Variants in ZC3H14 observed in about 807,000 individuals in gnomAD.
ZC3H14 encodes zinc finger CCCH domain-containing protein 14.
ZC3H14 carries 31 observed loss-of-function variants against 92.4 expected under a neutral mutation model. That is an observed-to-expected ratio of 0.34 (90% CI 0.25 to 0.45). The LOEUF (loss-of-function observed/expected upper bound fraction) is 0.45, where lower values mean the gene tolerates loss of function less well. ZC3H14 is among the 20% of genes least tolerant of loss of function. The pLI, the probability that ZC3H14 is intolerant of heterozygous loss-of-function variation, is 1.00. For missense variants in ZC3H14, 781 were observed against 897.3 expected, an observed-to-expected ratio of 0.87 and a Z score of 1.66; for synonymous variants, 321 against 300.9, an observed-to-expected ratio of 1.07 and a Z score of -0.69.
chr14:88,592,491 C>CTTTT (rs58255914), intron 9 of ZC3H14: 2 of 65,976 alleles, frequency 3.0e-5, no homozygotes, highest in African/African-American at 5.8e-5. Flanking sequence ...ATAAGGATTC[C>CTTTT]TTTTTTTTTT....
chr14:88,600,192 C>G (rs2084407013), intron 10 of ZC3H14, among the ~76,000 whole-genome samples: 3 of 152,178 alleles, frequency 2.0e-5, no homozygotes, highest in South Asian at 4.1e-4. Context: ...CGCCTGTCTC[C>G]CTTTACCATC....
chr14:88,621,046 A>C lies in ZC3H14; in HGVS notation c.*9295A>C. On this transcript the variant is annotated 3_prime_UTR_variant, in exon 17 of 17. Coordinates refer to ENST00000251038, the MANE Select transcript of ZC3H14 (RefSeq NM_024824.5). Reference sequence around the variant, plus strand: ...TTCTGGCAGTTCTTTAAGTACTAGCAATTTAGAACTTCCAACTTTTCTTTT... The same window carrying C: ...TTCTGGCAGTTCTTTAAGTACTAGCCATTTAGAACTTCCAACTTTTCTTTT... 6.6e-7 allele frequency: 1 copy of C among 1,511,398 alleles called. No individual in the cohort carries two copies. Among genetic ancestry groups the C allele is most frequent in the Non-Finnish European group, 8.9e-7 (1 of 1,129,902 alleles). The allele number at this position is 1,511,398 out of a possible 1,614,324, so 93.6% of individuals were successfully genotyped here.
intron 12 of ZC3H14, among the ~76,000 whole-genome samples, chr14:88,603,608 A>T (rs1453822463): frequency 6.6e-6 from 1 of 152,212 alleles, no homozygotes; most frequent in Non-Finnish European, 1.5e-5. Context: ...ACAGTTTCTT[A>T]TCACCGTTTC....
Position 88,623,816 on chromosome 14 carries a change from G to A in ZC3H14, c.*12065G>A, listed in dbSNP as rs2089484367. On this transcript the variant is annotated 3_prime_UTR_variant, in exon 17 of 17. Coordinates refer to ENST00000251038, the MANE Select transcript of ZC3H14 (RefSeq NM_024824.5). Reference sequence around the variant, plus strand: ...GCAGGCTTCTAGTGAGTGGGGGTGTGCAGGAGTAAATGACGTGGGAAATAC... The same window carrying A: ...GCAGGCTTCTAGTGAGTGGGGGTGTACAGGAGTAAATGACGTGGGAAATAC... 1 of 152,222 alleles carries A rather than the reference G, an allele frequency of 6.6e-6. No homozygotes were observed. Among genetic ancestry groups the A allele is most frequent in the South Asian group, 2.1e-4 (1 of 4,830 alleles). The allele number at this position is 152,222 out of a possible 1,614,324, so 9.4% of individuals were successfully genotyped here.
rs975197835 is a variant in ZC3H14 at position 88,574,621 on chromosome 14, A to T, written c.862-72A>T. 1.0e-4 allele frequency: 163 copies of T among 1,580,486 alleles called. 1 individual carries two copies. The highest frequency in any genetic ancestry group is 8.9e-4 in the Admixed American group (53 of 59,280). On this transcript the variant is annotated intron_variant, in intron 6 of 16. Coordinates refer to ENST00000251038, the MANE Select transcript of ZC3H14 (RefSeq NM_024824.5). ...TACTGTGTACTGTTTTTTTCTTAAA[A>T]TGGAAACATTTTGTGGTAGAACTCT...
At chr14:88,579,829 AAG>A (rs1258741417) in intron 9 of ZC3H14, among the ~76,000 whole-genome samples, 23 of 152,324 alleles carry the variant, frequency 1.5e-4, no homozygotes. Flanking sequence ...AGCATGCTGA[AAG>A]GTATACCAAA....
chr14:88,622,549 G>GT lies in ZC3H14; in HGVS notation c.*10799dup, dbSNP rs950983941. On this transcript the variant is annotated 3_prime_UTR_variant, in exon 17 of 17. Transcript: ENST00000251038. ...GGCTGCAAAGGGTGAGGGAATCACA[G>GT]TAATAACCACTTTCTGTTTTCTGCT... The GT allele has an allele frequency of 6.5e-6, 9 of 1,382,256 alleles. No individual in the cohort carries two copies. The African/African-American group carries it at 1.2e-4, about 18-fold the overall frequency. The allele number at this position is 1,382,256 out of a possible 1,614,324, so 85.6% of individuals were successfully genotyped here.
intron 12 of ZC3H14, among the ~76,000 whole-genome samples, chr14:88,603,648 G>A (rs189238204): frequency 6.6e-6 from 1 of 152,212 alleles, no homozygotes; most frequent in Admixed American, 6.5e-5. Context: ...TAGCTGCAAC[G>A]CCACTGATCA....
intron 4 of ZC3H14, among the ~76,000 whole-genome samples, chr14:88,571,531 T>C (rs2080392883): frequency 6.6e-6 from 1 of 152,180 alleles, no homozygotes; most frequent in African/African-American, 2.4e-5. Context: ...ATACATGTTT[T>C]AAAAAATGTG....
chr14:88,622,815 T>TTA lies in ZC3H14; in HGVS notation c.*11064_*11065insTA, dbSNP rs1555417183. On this transcript the variant is annotated 3_prime_UTR_variant, in exon 17 of 17. Coordinates refer to ENST00000251038, the MANE Select transcript of ZC3H14 (RefSeq NM_024824.5). ...AGTTATAAGCAGAATCTTTTTTTTT[T>TTA]AAAAAGGCCCTGATATTTATAATTT... 5.3e-5 allele frequency: 39 copies of TTA among 742,780 alleles called. No homozygotes were observed. The highest frequency in any genetic ancestry group is 7.3e-5 in the Non-Finnish European group (37 of 505,596). The allele number at this position is 742,780 out of a possible 1,614,324, so 46.0% of individuals were successfully genotyped here.
Position 88,563,096 on chromosome 14 carries a change from G to A in ZC3H14, c.-38G>A, listed in dbSNP as rs745453233. On this transcript the variant is annotated 5_prime_UTR_variant, in exon 1 of 17. Transcript: ENST00000251038. ...CCGCGGCAGCCTCCGGGTAAGCCAA[G>A]CGCCGCGCAGTGCTGAGTTCCCGCA... The A allele has an allele frequency of 4.5e-6, 7 of 1,567,910 alleles. No individual in the cohort carries two copies. In the East Asian group the frequency reaches 1.2e-4, roughly 26 times the overall value.
At chr14:88,571,212 C>A in intron 4 of ZC3H14, 88 bp downstream of exon 4, 2 of 1,196,528 alleles carry the variant, frequency 1.7e-6, no homozygotes, top group South Asian at 1.6e-5. Flanking sequence ...TGGGAAAAAC[C>A]CATCAATTTC....
At position 88,624,301 on chromosome 14, in the gene ZC3H14, C is replaced by G. The variant is rs1477925133; in HGVS notation, c.*12550C>G. ...TGTTGCCCAGGCTGGTCTTGAACTC[C>G]TGGGCTCAAGCGATCCACCTGCCTC... On this transcript the variant is annotated 3_prime_UTR_variant, in exon 17 of 17. Coordinates refer to ENST00000251038, the MANE Select transcript of ZC3H14 (RefSeq NM_024824.5). The G allele has an allele frequency of 6.6e-6, 1 of 152,478 alleles. No homozygotes were observed. Among genetic ancestry groups the G allele is most frequent in the Non-Finnish European group, 1.5e-5 (1 of 68,322 alleles). 9.4% of individuals were successfully genotyped at this position (152,478 alleles called of 1,614,324 possible). A position where few individuals can be genotyped will look rare whatever the true frequency, so the allele number is the denominator to read the frequency against.
rs1420988027 is a variant in ZC3H14, at chr14:88,573,012, G to C, written c.861+5G>C. The C allele has an allele frequency of 6.2e-7, 1 of 1,613,646 alleles. No homozygotes were observed. Among genetic ancestry groups the C allele is most frequent in the Admixed American group, 1.7e-5 (1 of 60,026 alleles). ...TCGGAGAAAATGAGTATGGAGGTTT[G>C]TATGTACTTTTAAATTCTGGCTTAG... On this transcript the variant is annotated splice_donor_5th_base_variant and intron_variant, in intron 6 of 16. Transcript: ENST00000251038.
At chr14:88,593,409 C>G (rs1180383065) in intron 9 of ZC3H14, among the ~76,000 whole-genome samples, 4 of 152,090 alleles carry the variant, frequency 2.6e-5, no homozygotes, top group African/African-American at 9.7e-5. Flanking sequence ...TAAAAAGGGA[C>G]TGAGAATAGC....
intron 6 of ZC3H14, chr14:88,574,188 T>C (rs1222201348): frequency 6.5e-6 from 1 of 154,270 alleles, no homozygotes; most frequent in Non-Finnish European, 1.4e-5. Flanking sequence ...TGTAAAGTTC[T>C]AATTTTTGTT....
In ZC3H14 at chr14:88,622,819, A is replaced by G. The variant is rs1169455180; in HGVS notation, c.*11068A>G. 1 of 670,446 alleles carries G rather than the reference A, an allele frequency of 1.5e-6. No individual in the cohort carries two copies. The highest frequency in any genetic ancestry group is 2.3e-6 in the Non-Finnish European group (1 of 441,478). The allele number at this position is 670,446 out of a possible 1,614,324, so 41.5% of individuals were successfully genotyped here. A position where few individuals can be genotyped will look rare whatever the true frequency, so the allele number is the denominator to read the frequency against. On this transcript the variant is annotated 3_prime_UTR_variant, in exon 17 of 17. Transcript: ENST00000251038. ...ATAAGCAGAATCTTTTTTTTTTAAA[A>G]AGGCCCTGATATTTATAATTTACCT...
intron 10 of ZC3H14, among the ~76,000 whole-genome samples, chr14:88,598,876 C>T (rs2084219002): frequency 6.6e-6 from 1 of 152,234 alleles, no homozygotes; most frequent in African/African-American, 2.4e-5. Flanking sequence ...CACTTCAGGT[C>T]AGGAGTTCCA....
chr14:88,583,928 T>G (rs1463634447), intron 9 of ZC3H14, among the ~76,000 whole-genome samples: 1 of 152,214 alleles, frequency 6.6e-6, no homozygotes, highest in East Asian at 1.9e-4. Flanking sequence ...ATGACAGATT[T>G]ATCTTAATTT....
Sources: allele counts gnomAD v4.1 joint callset (sites outside exome capture counted in the v4.1 genomes callset), GRCh38; gene constraint gnomAD v4.1.1; transcripts MANE v1.5; gene names NCBI Gene and HGNC (gene_info 2026-07-23, HGNC 2026-07-21).